The following OSBPL10 variants were observed in gnomAD, a reference collection of about 807,000 sequenced individuals.
The protein encoded by OSBPL10 is oxysterol binding protein like 10.
A neutral mutation model predicts 81.7 loss-of-function variants in OSBPL10; 49 were observed. The ratio of observed to expected loss-of-function variants is 0.60; its 90% CI spans 0.48 to 0.76. The LOEUF (loss-of-function observed/expected upper bound fraction) is 0.76, where lower values mean the gene tolerates loss of function less well. Ranked by LOEUF, OSBPL10 falls within the 30% of genes least tolerant of loss-of-function variation. The probability of loss-of-function intolerance (pLI) is 0.00; values close to 1 mark genes in which losing one functional copy is unlikely to be tolerated. For missense variants in OSBPL10, 923 were observed against 987.8 expected, an observed-to-expected ratio of 0.93 and a Z score of 0.88; for synonymous variants, 419 against 383.6, an observed-to-expected ratio of 1.09 and a Z score of -1.08.
rs768296819 is a variant in OSBPL10 at position 31,928,762 on chromosome 3, C to CCAAAA, written c.282-48933_282-48932insTTTTG. Among the ~76,000 whole-genome samples, 42 of 95,094 alleles carry CCAAAA rather than the reference C, an allele frequency of 4.4e-4. 1 individual carries two copies. Among genetic ancestry groups the CCAAAA allele is most frequent in the East Asian group, 3.9e-3 (13 of 3,376 alleles). 62.4% of individuals were successfully genotyped at this position (95,094 alleles called of 152,430 possible). A position where few individuals can be genotyped will look rare whatever the true frequency, so the allele number is the denominator to read the frequency against. On this transcript the variant is annotated intron_variant, in intron 1 of 11. Transcript: ENST00000396556. ...TCTGGGCGACAGTGAGACTTGTCTC[C>CCAAAA]AAAAAAAAAAAAAAAAAAAGAATGC...
At chr3:32,055,923 C>A (rs561080226) in intron 1 of OSBPL10, among the ~76,000 whole-genome samples, 16 of 152,256 alleles carry the variant, frequency 1.1e-4, no homozygotes, top group Admixed American at 2.0e-4. Flanking sequence ...TATGTGTAAA[C>A]CCATGGCTGG....
chr3:31,765,057 A>G (rs1322815292), intron 4 of OSBPL10, among the ~76,000 whole-genome samples: 1 of 151,862 alleles, frequency 6.6e-6, no homozygotes, highest in Non-Finnish European at 1.5e-5. Context: ...TTGCTCTGTC[A>G]CCCAGGCTGG....
intron 2 of OSBPL10, among the ~76,000 whole-genome samples, chr3:31,998,989 C>A (rs552677931): frequency 6.6e-6 from 1 of 152,094 alleles, no homozygotes; most frequent in African/African-American, 2.4e-5. Context: ...AACACAAGGT[C>A]GAAGAAGATG....
At chr3:31,678,711 G>C (rs1459847906) in intron 8 of OSBPL10, among the ~76,000 whole-genome samples, 1 of 151,876 alleles carries the variant, frequency 6.6e-6, no homozygotes, top group East Asian at 1.9e-4. Context: ...CTTCTGCTGA[G>C]TGCAGGGAAA....
intron 8 of OSBPL10, among the ~76,000 whole-genome samples, chr3:31,683,359 G>C (rs1257431533): frequency 6.6e-6 from 1 of 152,166 alleles, no homozygotes; most frequent in Non-Finnish European, 1.5e-5. Context: ...TGTAAGGTGT[G>C]CACGCACGCG....
At chr3:31,741,279 T>G (rs1697340416) in intron 5 of OSBPL10, among the ~76,000 whole-genome samples, 1 of 152,264 alleles carries the variant, frequency 6.6e-6, no homozygotes, top group Admixed American at 6.5e-5. Context: ...TTATTTTTAT[T>G]TTTTGAGACG....
chr3:31,691,077 T>C (rs994135700), intron 7 of OSBPL10, among the ~76,000 whole-genome samples: 1 of 152,074 alleles, frequency 6.6e-6, no homozygotes, highest in African/African-American at 2.4e-5. Flanking sequence ...ACTGATGGCA[T>C]CCAAATGACC....
At chr3:31,971,103 G>A (rs998667772) in intron 1 of OSBPL10, among the ~76,000 whole-genome samples, 4 of 149,626 alleles carry the variant, frequency 2.7e-5, no homozygotes, top group African/African-American at 7.3e-5. Flanking sequence ...TGCATCTAAT[G>A]AGTTGGTTTT....
At chr3:31,816,470 T>G (rs1699837636) in intron 4 of OSBPL10, among the ~76,000 whole-genome samples, 1 of 152,136 alleles carries the variant, frequency 6.6e-6, no homozygotes. Context: ...TACAGATACG[T>G]GCATTAAAAT....
At chr3:31,769,445 C>CAAAA (rs1213069221) in intron 4 of OSBPL10, among the ~76,000 whole-genome samples, 5 of 10,834 alleles carry the variant, frequency 4.6e-4, no homozygotes, top group African/African-American at 8.9e-4. Flanking sequence ...AACTCCATCT[C>CAAAA]AAAAAAAAAA....
chr3:31,679,344 G>A (rs1182331228), intron 8 of OSBPL10, among the ~76,000 whole-genome samples: 1 of 152,160 alleles, frequency 6.6e-6, no homozygotes, highest in African/African-American at 2.4e-5. Context: ...CACATGTCTT[G>A]TCTTCTCTCC....
In OSBPL10 at chr3:31,766,748, T is replaced by C. The variant is rs533804739; in HGVS notation, c.730-18628A>G. ...GTCAACTGGAACATCAGTTAAGGCT[T>C]TTATCCAAGACAATTAATCAAATAA... On this transcript the variant is annotated intron_variant, in intron 4 of 11. Coordinates refer to ENST00000396556, the MANE Select transcript of OSBPL10 (RefSeq NM_017784.5). Among the ~76,000 whole-genome samples the C allele has an allele frequency of 2.6e-5, 4 of 152,306 alleles. No homozygotes were observed. In the South Asian group the frequency reaches 8.3e-4, roughly 32 times the overall value.
intron 3 of OSBPL10, among the ~76,000 whole-genome samples, chr3:31,845,431 C>T (rs1246523960): frequency 2.0e-5 from 3 of 152,126 alleles, no homozygotes; most frequent in Admixed American, 6.5e-5. Context: ...GAAGAGATTC[C>T]AAATTGTTAA....
chr3:31,702,020 C>T (rs1232425251), intron 7 of OSBPL10, among the ~76,000 whole-genome samples: 5 of 152,124 alleles, frequency 3.3e-5, no homozygotes, highest in South Asian at 4.1e-4. Context: ...AGGCCACCTA[C>T]AGTTATCTCT....
intron 1 of OSBPL10, among the ~76,000 whole-genome samples, chr3:32,063,327 CA>C (rs1354295689): frequency 1.1e-5 from 1 of 91,700 alleles, no homozygotes; most frequent in African/African-American, 2.8e-5. Context: ...GATGGGGAAG[CA>C]AGGGGTTTAG....
Position 31,821,186 on chromosome 3 carries a change from G to C in OSBPL10, c.729+8854C>G, listed in dbSNP as rs547417272. Among the ~76,000 whole-genome samples, 7 of 152,098 alleles carry C rather than the reference G, an allele frequency of 4.6e-5. No individual in the cohort carries two copies. In the East Asian group the frequency reaches 1.4e-3, roughly 29 times the overall value. On this transcript the variant is annotated intron_variant, in intron 4 of 11. Transcript: ENST00000396556. The stretch of plus-strand genomic sequence containing the variant: ...CCTGCCAGGGCAGCAGTTGGACAAT[G>C]AGTTGAGGATTGGTGGGGGACATAT...
At chr3:31,675,914 G>C (rs2340575) in intron 8 of OSBPL10, among the ~76,000 whole-genome samples, 71,861 of 145,694 alleles carry the variant, frequency 0.49, 20,170 homozygotes, top group African/African-American at 0.78. Context: ...CCACTGCACT[G>C]CAGCCTGGGC....
upstream of OSBPL10, among the ~76,000 whole-genome samples, chr3:31,985,219 A>G (rs938919715): frequency 1.3e-5 from 2 of 152,250 alleles, no homozygotes; most frequent in Admixed American, 1.3e-4. Context: ...AGCCTGGGCA[A>G]CAGAGCAAGA....
intron 3 of OSBPL10, among the ~76,000 whole-genome samples, chr3:31,859,244 G>C (rs902014995): frequency 2.0e-5 from 3 of 151,246 alleles, no homozygotes; most frequent in Non-Finnish European, 2.9e-5. Context: ...AAAAAATTTT[G>C]TCTATGTCAA....
Sources: gnomAD v4.1 joint callset for allele counts (sites outside exome capture counted in the v4.1 genomes callset) on GRCh38, gnomAD v4.1.1 for gene constraint, MANE v1.5 for transcripts, NCBI Gene and HGNC (gene_info 2026-07-23, HGNC 2026-07-21) for gene names.